The following GMPS variants were observed in gnomAD, a reference collection of about 807,000 sequenced individuals.
GMPS encodes GMP synthase [glutamine-hydrolyzing].
Under a neutral mutation model 77.9 loss-of-function variants are expected in GMPS, and 15 were observed. The ratio of observed to expected loss-of-function variants is 0.19; its 90% confidence interval spans 0.13 to 0.30. The LOEUF (loss-of-function observed/expected upper bound fraction) is 0.30, where lower values mean the gene tolerates loss of function less well. Ranked by LOEUF, GMPS falls within the 10% of genes least tolerant of loss-of-function variation. The pLI is 1.00. For missense variants in GMPS, 590 were observed against 838.8 expected (o/e 0.70, Z 3.66); for synonymous variants, 224 against 275.9 (o/e 0.81, Z 1.86).
chr3:155,928,229 G>A (rs1256253890), intron 12 of GMPS, among the ~76,000 whole-genome samples: 6 of 151,660 alleles, frequency 4.0e-5, no homozygotes, highest in African/African-American at 9.7e-5. Flanking sequence ...GTTTCACCAC[G>A]TTGCCCAGGT....
rs1755952976 is a variant in GMPS, at chr3:155,943,986, A to T, written c.*6294A>T. ...ATGAGCTAAAGGTGTGCGTATACAC[A>T]TGCACTTATAAAATTAAAGTCATAT... is the stretch of plus-strand genomic sequence containing the variant. On this transcript the variant is annotated 3_prime_UTR_variant, in exon 16 of 16. Coordinates refer to ENST00000496455, the MANE Select transcript of GMPS (RefSeq NM_003875.3). The T allele has an allele frequency of 6.6e-6, 1 of 152,216 alleles. No homozygotes were observed. Among genetic ancestry groups the T allele is most frequent in the Non-Finnish European group, 1.5e-5 (1 of 68,026 alleles). 9.4% of individuals were successfully genotyped at this position (152,216 alleles called of 1,614,324 possible).
intron 10 of GMPS, among the ~76,000 whole-genome samples, chr3:155,920,049 C>G (rs532412370): frequency 6.6e-6 from 1 of 152,274 alleles, no homozygotes; most frequent in African/African-American, 2.4e-5. Context: ...TAAGTACTTT[C>G]TATGTGCTAG....
At chr3:155,916,229 C>T in intron 9 of GMPS, 37 bp downstream of exon 9, 1 of 1,323,026 alleles carries the variant, frequency 7.6e-7, no homozygotes, top group Non-Finnish European at 1.1e-6. Flanking sequence ...AAAGTAGATA[C>T]ATGGAAAGTC....
intron 2 of GMPS, 103 bp from the exon 3 acceptor site, chr3:155,897,824 T>A (rs1754637909): frequency 1.5e-6 from 1 of 660,908 alleles, no homozygotes; most frequent in Non-Finnish European, 2.7e-6. Context: ...ACAACGCAAT[T>A]TCTGGATCTG....
At chr3:155,896,729 A>ATTTTTTT (rs1020255894) in intron 2 of GMPS, among the ~76,000 whole-genome samples, 2 of 92,030 alleles carry the variant, frequency 2.2e-5, no homozygotes, top group Admixed American at 1.2e-4. Flanking sequence ...CCTTACTGAG[A>ATTTTTTT]TTTTTTTTTT....
intron 3 of GMPS, among the ~76,000 whole-genome samples, chr3:155,901,167 CT>C (rs1754725001): frequency 6.6e-6 from 1 of 152,112 alleles, no homozygotes; most frequent in Admixed American, 6.6e-5. Flanking sequence ...AGGTGACCAA[CT>C]TTCCTGAATT....
chr3:155,871,689 C>T (rs1007744651), intron 1 of GMPS, among the ~76,000 whole-genome samples: 1 of 152,248 alleles, frequency 6.6e-6, no homozygotes, highest in Non-Finnish European at 1.5e-5. Flanking sequence ...CGCTTCCCCG[C>T]CTTTGGGGTC....
chr3:155,935,526 T>C (rs1489180717), intron 14 of GMPS, among the ~76,000 whole-genome samples: 1 of 152,152 alleles, frequency 6.6e-6, no homozygotes, highest in Non-Finnish European at 1.5e-5. Flanking sequence ...AAATAAAATA[T>C]ATTCCCCTTT....
intron 1 of GMPS, among the ~76,000 whole-genome samples, chr3:155,892,202 C>T (rs984712860): frequency 6.6e-6 from 1 of 152,074 alleles, no homozygotes; most frequent in African/African-American, 2.4e-5. Flanking sequence ...TGGTGTATGG[C>T]CAGCCATACT....
chr3:155,892,779 C>A (rs908991325), intron 1 of GMPS, among the ~76,000 whole-genome samples: 1 of 152,088 alleles, frequency 6.6e-6, no homozygotes, highest in East Asian at 1.9e-4. Context: ...TTACAGTGCC[C>A]GCCACCATGC....
rs1457685525 is a variant in GMPS at position 155,939,516 on chromosome 3, G to A, written c.*1824G>A. 4.9e-6 allele frequency: 1 copy of A among 205,332 alleles called. No individual in the cohort carries two copies. The highest frequency in any genetic ancestry group is 1.0e-5 in the Non-Finnish European group (1 of 100,386). The allele number at this position is 205,332 out of a possible 1,614,324, so 12.7% of individuals were successfully genotyped here. A position where few individuals can be genotyped will look rare whatever the true frequency, so the allele number is the denominator to read the frequency against. ...GGTCATATAAGTTTGGGGAACATAAGCTCACTTGTCCTTTCCTGGAGATTC... is the reference window on the plus strand; with the variant it reads ...GGTCATATAAGTTTGGGGAACATAAACTCACTTGTCCTTTCCTGGAGATTC... On this transcript the variant is annotated 3_prime_UTR_variant, in exon 16 of 16. Coordinates refer to ENST00000496455, the MANE Select transcript of GMPS (RefSeq NM_003875.3).
At chr3:155,934,266 A>G (rs1046511195) in intron 13 of GMPS, among the ~76,000 whole-genome samples, 8 of 152,204 alleles carry the variant, frequency 5.3e-5, no homozygotes, top group African/African-American at 7.2e-5. Flanking sequence ...ACCACAAACT[A>G]GGAGGCTTAA....
intron 12 of GMPS, among the ~76,000 whole-genome samples, chr3:155,927,251 T>C (rs1440894390): frequency 1.3e-5 from 2 of 152,146 alleles, no homozygotes; most frequent in African/African-American, 4.8e-5. Context: ...ATTTTGAAAT[T>C]TGCAATGATA....
chr3:155,894,282 G>A (rs1754545110), intron 2 of GMPS, among the ~76,000 whole-genome samples: 1 of 151,902 alleles, frequency 6.6e-6, no homozygotes, highest in Non-Finnish European at 1.5e-5. Flanking sequence ...GAAGTGCAGC[G>A]GCACGATTTT....
rs1253458622 is a variant in GMPS, at chr3:155,943,097, G to A, written c.*5405G>A. ...AATGTAAAAATTAGCTGGGCTTGGT[G>A]GCGCGCGCCTGTAATCCCAGCTACT... On this transcript the variant is annotated 3_prime_UTR_variant, in exon 16 of 16. Transcript: ENST00000496455. The A allele has an allele frequency of 1.7e-5, 3 of 175,904 alleles. No homozygotes were observed. The highest frequency in any genetic ancestry group is 3.7e-5 in the Non-Finnish European group (3 of 81,748). 10.9% of individuals were successfully genotyped at this position (175,904 alleles called of 1,614,324 possible). A position where few individuals can be genotyped will look rare whatever the true frequency, so the allele number is the denominator to read the frequency against.
At chr3:155,925,703 C>G (rs932385801) in intron 12 of GMPS, among the ~76,000 whole-genome samples, 18 of 152,106 alleles carry the variant, frequency 1.2e-4, no homozygotes, top group Non-Finnish European at 2.4e-4. Context: ...ATATTGAAAG[C>G]AACCCTTTCC....
chr3:155,885,548 A>G (rs1754316657), intron 1 of GMPS, among the ~76,000 whole-genome samples: 1 of 152,238 alleles, frequency 6.6e-6, no homozygotes, highest in South Asian at 2.1e-4. Context: ...TTTCTCAGGT[A>G]TAAACACAGT....
At chr3:155,906,923 G>A (rs1161527673) in intron 5 of GMPS, among the ~76,000 whole-genome samples, 1 of 151,968 alleles carries the variant, frequency 6.6e-6, no homozygotes, top group Admixed American at 6.6e-5. Context: ...TGGCTGTTTG[G>A]GGTTTTGACT....
intron 4 of GMPS, among the ~76,000 whole-genome samples, chr3:155,904,164 G>T (rs1396287343): frequency 6.6e-6 from 1 of 152,110 alleles, no homozygotes. Context: ...AATAAGGAAG[G>T]TATTTAAGAA....
Sources: allele counts gnomAD v4.1 joint callset (sites outside exome capture counted in the v4.1 genomes callset), GRCh38; gene constraint gnomAD v4.1.1; transcripts MANE v1.5; gene names NCBI Gene and HGNC (gene_info 2026-07-23, HGNC 2026-07-21).